The following SLC35F1 variants were observed in gnomAD, a reference collection of about 807,000 sequenced individuals.
The protein encoded by SLC35F1 is solute carrier family 35 member F1.
A neutral mutation model predicts 48.7 loss-of-function variants in SLC35F1; 14 were observed. That is an observed-to-expected ratio of 0.29 (90% CI 0.19 to 0.45). SLC35F1 has a LOEUF of 0.45. SLC35F1 is among the 20% of genes least tolerant of loss of function. SLC35F1 has a pLI of 1.00. For synonymous variants in SLC35F1, 190 were observed against 202.2 expected, an observed-to-expected ratio of 0.94 and a Z score of 0.51; for missense variants, 404 against 500.0, an observed-to-expected ratio of 0.81 and a Z score of 1.83.
At chr6:118,015,526 A>T (rs1777309442) in intron 1 of SLC35F1, among the ~76,000 whole-genome samples, 1 of 151,736 alleles carries the variant, frequency 6.6e-6, no homozygotes, top group African/African-American at 2.4e-5. Flanking sequence ...GCTCCCACAG[A>T]GAACATGCGG....
At chr6:117,926,375 C>T (rs1776028061) in intron 1 of SLC35F1, among the ~76,000 whole-genome samples, 1 of 152,130 alleles carries the variant, frequency 6.6e-6, no homozygotes, top group African/African-American at 2.4e-5. Flanking sequence ...GTCAATTAAG[C>T]CTCTTTTCTT....
At chr6:118,067,739 GAC>G (rs767975470) in intron 1 of SLC35F1, among the ~76,000 whole-genome samples, 3 of 152,182 alleles carry the variant, frequency 2.0e-5, no homozygotes, top group Admixed American at 6.5e-5. Flanking sequence ...ACGACAAAGG[GAC>G]AATGAGAAAG....
chr6:118,023,475 A>G (rs2114886475), intron 1 of SLC35F1, among the ~76,000 whole-genome samples: 1 of 152,276 alleles, frequency 6.6e-6, no homozygotes, highest in South Asian at 2.1e-4. Context: ...CTTCTCTTTG[A>G]ACATCTTTTT....
intron 4 of SLC35F1, among the ~76,000 whole-genome samples, chr6:118,273,915 G>A (rs183970963): frequency 6.6e-6 from 1 of 152,278 alleles, no homozygotes; most frequent in Admixed American, 6.5e-5. Context: ...ACAGGAAAAA[G>A]AAGTTGCCTT....
chr6:118,310,531 T>C (rs1456998921), intron 7 of SLC35F1, among the ~76,000 whole-genome samples: 1 of 152,102 alleles, frequency 6.6e-6, no homozygotes, highest in Non-Finnish European at 1.5e-5. Context: ...TTTAAAAAAA[T>C]AAAACCTTTC....
chr6:117,988,599 G>A (rs1352163202), intron 1 of SLC35F1, among the ~76,000 whole-genome samples: 1 of 152,152 alleles, frequency 6.6e-6, no homozygotes, highest in Non-Finnish European at 1.5e-5. Flanking sequence ...ATTTGAATAT[G>A]GAGAGATGTA....
At chr6:118,004,553 T>C (rs1777149063) in intron 1 of SLC35F1, among the ~76,000 whole-genome samples, 1 of 152,178 alleles carries the variant, frequency 6.6e-6, no homozygotes, top group African/African-American at 2.4e-5. Flanking sequence ...CAATCTTGTT[T>C]TCAATTTTTT....
chr6:118,293,346 G>C (rs1004726072), intron 7 of SLC35F1, among the ~76,000 whole-genome samples: 1 of 152,084 alleles, frequency 6.6e-6, no homozygotes, highest in African/African-American at 2.4e-5. Flanking sequence ...AGCTTCTAGA[G>C]GCCACCTGTA....
At chr6:118,043,149 T>A (rs993470231) in intron 1 of SLC35F1, among the ~76,000 whole-genome samples, 2 of 152,170 alleles carry the variant, frequency 1.3e-5, no homozygotes, top group Non-Finnish European at 2.9e-5. Context: ...CTCCATATGC[T>A]CCTTAGCAGT....
At chr6:118,287,291 TTC>T (rs1405876821) in intron 7 of SLC35F1, among the ~76,000 whole-genome samples, 1 of 152,200 alleles carries the variant, frequency 6.6e-6, no homozygotes, top group African/African-American at 2.4e-5. Flanking sequence ...ACCAATATTC[TTC>T]TCTCCTCTTC....
intron 2 of SLC35F1, among the ~76,000 whole-genome samples, chr6:118,222,081 G>A (rs1356926186): frequency 6.6e-6 from 1 of 151,672 alleles, no homozygotes; most frequent in Admixed American, 6.6e-5. Flanking sequence ...TCATTTTTTT[G>A]TTGAAGAAAT....
chr6:118,285,388 A>G, intron 7 of SLC35F1, 50 bp downstream of exon 7: 2 of 1,602,778 alleles, frequency 1.2e-6, no homozygotes, highest in Non-Finnish European at 8.5e-7. Flanking sequence ...GTAGGAAACA[A>G]TGAACATGGG....
At chr6:118,043,426 T>TC (rs1369703047) in intron 1 of SLC35F1, among the ~76,000 whole-genome samples, 6 of 152,002 alleles carry the variant, frequency 3.9e-5, no homozygotes, top group Non-Finnish European at 8.8e-5. Context: ...AAATGGACTT[T>TC]TTTTTTTTGC....
At chr6:118,015,131 C>T (rs1777303348) in intron 1 of SLC35F1, among the ~76,000 whole-genome samples, 2 of 152,124 alleles carry the variant, frequency 1.3e-5, no homozygotes, top group African/African-American at 4.8e-5. Flanking sequence ...TGCTTTTCGC[C>T]TTCTGCCAGA....
At chr6:117,993,161 C>T (rs1776942052) in intron 1 of SLC35F1, among the ~76,000 whole-genome samples, 1 of 152,126 alleles carries the variant, frequency 6.6e-6, no homozygotes, top group African/African-American at 2.4e-5. Flanking sequence ...GCTCTTTCTG[C>T]CCTCATGGGT....
chr6:118,223,608 G>A (rs1471497434), intron 2 of SLC35F1, among the ~76,000 whole-genome samples: 2 of 152,216 alleles, frequency 1.3e-5, no homozygotes, highest in African/African-American at 4.8e-5. Flanking sequence ...GAAAATAAAT[G>A]TCAGGTAATA....
chr6:118,045,161 T>A (rs1772283044), intron 1 of SLC35F1, among the ~76,000 whole-genome samples: 1 of 152,194 alleles, frequency 6.6e-6, no homozygotes, highest in African/African-American at 2.4e-5. Context: ...CTTAAATAAT[T>A]GACTTTGTGA....
At chr6:117,910,467 A>G (rs1002320533) in intron 1 of SLC35F1, among the ~76,000 whole-genome samples, 9 of 152,050 alleles carry the variant, frequency 5.9e-5, no homozygotes, top group Non-Finnish European at 1.2e-4. Flanking sequence ...CTTCACCCAC[A>G]TTGCCCTGTC....
intron 2 of SLC35F1, among the ~76,000 whole-genome samples, chr6:118,200,411 G>T (rs1338847954): frequency 6.6e-6 from 1 of 152,124 alleles, no homozygotes; most frequent in Non-Finnish European, 1.5e-5. Flanking sequence ...GAGGATTCTG[G>T]CTACACCAAC....
Sources: allele counts gnomAD v4.1 joint callset (sites outside exome capture counted in the v4.1 genomes callset), GRCh38; gene constraint gnomAD v4.1.1; transcripts MANE v1.5; gene names NCBI Gene and HGNC (gene_info 2026-07-23, HGNC 2026-07-21).